CBLB: variants seen among roughly 807,000 people sequenced by gnomAD.
CBLB encodes Cbl proto-oncogene B.
In CBLB, 31 loss-of-function variants were observed where a neutral mutation model predicts 104.9. That is an observed-to-expected ratio of 0.30 (90% CI 0.22 to 0.40). The LOEUF (loss-of-function observed/expected upper bound fraction) is 0.40, where lower values mean the gene tolerates loss of function less well. Ranked by LOEUF, CBLB falls within the 10% of genes least tolerant of loss-of-function variation. The pLI, the probability that CBLB is intolerant of heterozygous loss-of-function variation, is 1.00. For synonymous variants in CBLB, 440 were observed against 422.6 expected (o/e 1.04, Z -0.51); for missense variants, 1,062 against 1,214.6 (o/e 0.87, Z 1.87).
rs73854893 is a variant in CBLB at position 105,816,352 on chromosome 3, C to T, written c.419+37062G>A. 3.6e-3 allele frequency among the ~76,000 whole-genome samples: 546 copies of T among 152,150 alleles called. 2 individuals carry two copies. The highest frequency in any genetic ancestry group is 0.012 in the African/African-American group (516 of 41,510). On this transcript the variant is annotated intron_variant, in intron 3 of 18. Transcript: ENST00000394030. Reference sequence around the variant, plus strand: ...CTGCTCCAAAATCACTTGAAACAAACGTGTCAACTAATTTTTTCTAAACCA... The same window carrying T: ...CTGCTCCAAAATCACTTGAAACAAATGTGTCAACTAATTTTTTCTAAACCA...
chr3:105,780,426 A>G (rs1182699776), intron 3 of CBLB, among the ~76,000 whole-genome samples: 1 of 152,022 alleles, frequency 6.6e-6, no homozygotes, highest in Non-Finnish European at 1.5e-5. Context: ...AACCCAAACA[A>G]TCCCCAAACA....
chr3:105,815,098 T>C (rs2084843940), intron 3 of CBLB, among the ~76,000 whole-genome samples: 1 of 152,176 alleles, frequency 6.6e-6, no homozygotes, highest in South Asian at 2.1e-4. Flanking sequence ...CTCTTCAGAA[T>C]GTGTTTATAC....
chr3:105,724,793 C>T (rs2073372581), intron 9 of CBLB, among the ~76,000 whole-genome samples: 1 of 151,972 alleles, frequency 6.6e-6, no homozygotes, highest in African/African-American at 2.4e-5. Context: ...ACTAAAATTC[C>T]AGGCACTGTT....
In CBLB at chr3:105,702,146, G is replaced by A; in HGVS notation, c.1907C>T (p.Pro636Leu). The stretch of plus-strand genomic sequence containing the variant: ...GCGTCTGTGTTTCCGCATAAGCACT[G>A]GGTCAGAGCCCACTCTACTGTGCCT... ...NGRHSRVGSD[P>L]VLMRKHRRHD... The change falls in exon 12 of 19, where the codon CCA (proline) becomes CTA (leucine). Residue 636 changes from proline (P) to leucine (L), a missense_variant. Physicochemically the swap from Pro to Leu is moderately conservative, Grantham distance 98. Around this residue, in one of 2 missense-constraint regions of CBLB, gnomAD observed 605 missense variants for 582.6 expected, o/e 1.04. Coordinates refer to ENST00000394030, the MANE Select transcript of CBLB (RefSeq NM_170662.5). The A allele has an allele frequency of 6.2e-7, 1 of 1,614,114 alleles. No individual in the cohort carries two copies. Among genetic ancestry groups the A allele is most frequent in the Non-Finnish European group, 8.5e-7 (1 of 1,180,020 alleles).
At chr3:105,775,445 C>T (rs1044718616) in intron 4 of CBLB, among the ~76,000 whole-genome samples, 3 of 152,080 alleles carry the variant, frequency 2.0e-5, no homozygotes, top group Non-Finnish European at 2.9e-5. Flanking sequence ...AAAGTGTATA[C>T]TAACAATTTT....
chr3:105,859,703 A>C (rs1292470060), intron 2 of CBLB, among the ~76,000 whole-genome samples: 2 of 151,040 alleles, frequency 1.3e-5, no homozygotes, highest in African/African-American at 4.9e-5. Context: ...TCCTCCTCCT[A>C]TAAATGTTAG....
At chr3:105,674,756 G>T (rs1398328696) in intron 17 of CBLB, among the ~76,000 whole-genome samples, 1 of 152,180 alleles carries the variant, frequency 6.6e-6, no homozygotes, top group Admixed American at 6.5e-5. Context: ...TAAAGCTTTT[G>T]TTGGGGACTT....
rs77461428 is a variant in CBLB, at chr3:105,847,200, T to C, written c.419+6214A>G. ...TAGAAACAGCAAGCATAGTGATCTGTAGTCCTTTAAGGGGAAAGGCACTTT... is the reference window on the plus strand; with the variant it reads ...TAGAAACAGCAAGCATAGTGATCTGCAGTCCTTTAAGGGGAAAGGCACTTT... On this transcript the variant is annotated intron_variant, in intron 3 of 18. Transcript: ENST00000394030. Among the ~76,000 whole-genome samples, 631 of 152,154 alleles carry C rather than the reference T, an allele frequency of 4.1e-3. 5 individuals are homozygous for C. The highest frequency in any genetic ancestry group is 0.015 in the African/African-American group (610 of 41,526).
chr3:105,857,246 C>CA (rs1404055398), intron 2 of CBLB, among the ~76,000 whole-genome samples: 1 of 152,040 alleles, frequency 6.6e-6, no homozygotes, highest in African/African-American at 2.4e-5. Context: ...TTTATCTGAA[C>CA]TTTTTTCTCA....
At chr3:105,739,772 AAAGAG>A (rs2075333353) in intron 7 of CBLB, among the ~76,000 whole-genome samples, 3 of 152,172 alleles carry the variant, frequency 2.0e-5, no homozygotes, top group African/African-American at 2.4e-5. Context: ...AACAGATAAG[AAAGAG>A]AAAAGAAAAT....
chr3:105,718,696 G>C (rs1307016149), intron 10 of CBLB, among the ~76,000 whole-genome samples: 1 of 152,128 alleles, frequency 6.6e-6, no homozygotes, highest in Non-Finnish European at 1.5e-5. Context: ...GTGTTGAAAG[G>C]CTCTGTTGGC....
intron 9 of CBLB, among the ~76,000 whole-genome samples, chr3:105,721,244 G>A (rs1264362762): frequency 1.3e-5 from 2 of 152,196 alleles, no homozygotes; most frequent in African/African-American, 4.8e-5. Flanking sequence ...GCAGAGAGCT[G>A]ACGTCTTTAA....
At chr3:105,745,370 A>C (rs1445387407) in intron 6 of CBLB, among the ~76,000 whole-genome samples, 1 of 152,260 alleles carries the variant, frequency 6.6e-6, no homozygotes, top group Non-Finnish European at 1.5e-5. Context: ...TGGAAAATAA[A>C]ATATAAATTC....
intron 3 of CBLB, among the ~76,000 whole-genome samples, chr3:105,838,604 A>G (rs1270145497): frequency 6.6e-6 from 1 of 152,062 alleles, no homozygotes; most frequent in African/African-American, 2.4e-5. Context: ...GAAAAACATA[A>G]GAAGAGAATT....
intron 1 of CBLB, chr3:105,868,295 T>C: frequency 2.8e-6 from 3 of 1,061,614 alleles, no homozygotes; most frequent in Non-Finnish European, 3.6e-6. Flanking sequence ...GGAGTTCACT[T>C]CTCTGGCTCC....
At chr3:105,679,060 TTTTAA>T (rs2065986537) in intron 16 of CBLB, among the ~76,000 whole-genome samples, 1 of 152,290 alleles carries the variant, frequency 6.6e-6, no homozygotes, top group Non-Finnish European at 1.5e-5. Context: ...TTCCACTGGA[TTTTAA>T]TTTATTTAAC....
rs145332958 is a variant in CBLB at position 105,787,576 on chromosome 3, CTGTGAAT to C, written c.420-11041_420-11035del. On this transcript the variant is annotated intron_variant, in intron 3 of 18. Coordinates refer to ENST00000394030, the MANE Select transcript of CBLB (RefSeq NM_170662.5). ...AATGTCTATATGCTTTAAGCAAAAA[CTGTGAAT>C]CCATTTCACAACTTACAGCTAACAT... 9.7e-4 allele frequency among the ~76,000 whole-genome samples: 148 copies of C among 152,318 alleles called. 2 individuals carry two copies. The highest frequency in any genetic ancestry group is 3.4e-3 in the African/African-American group (143 of 41,574).
At chr3:105,813,005 C>T (rs1444359359) in intron 3 of CBLB, among the ~76,000 whole-genome samples, 1 of 151,990 alleles carries the variant, frequency 6.6e-6, no homozygotes, top group African/African-American at 2.4e-5. Context: ...TGGTAAAGTA[C>T]ATTTTAAAGG....
chr3:105,697,918 T>C (rs2068590717), intron 12 of CBLB, among the ~76,000 whole-genome samples: 2 of 152,062 alleles, frequency 1.3e-5, no homozygotes, highest in Admixed American at 6.6e-5. Flanking sequence ...TTTTAATATA[T>C]TTTGGTGAAT....
Sources: allele counts gnomAD v4.1 joint callset (sites outside exome capture counted in the v4.1 genomes callset), GRCh38; gene constraint gnomAD v4.1.1; regional missense constraint gnomAD v4.1.1; transcripts MANE v1.5; gene names NCBI Gene and HGNC (gene_info 2026-07-23, HGNC 2026-07-21).